TRPM3: variants seen among roughly 807,000 people sequenced by gnomAD.
TRPM3 encodes long transient receptor potential channel 3.
Under a neutral mutation model 181.2 loss-of-function variants are expected in TRPM3, and 77 were observed. The ratio of observed to expected loss-of-function variants is 0.42; its 90% confidence interval spans 0.35 to 0.51. The LOEUF (loss-of-function observed/expected upper bound fraction) is 0.51, where lower values mean the gene tolerates loss of function less well. Among genes scored for constraint, TRPM3 ranks in the 20% least tolerant of loss-of-function variants. The probability of loss-of-function intolerance (pLI) is 0.01; values close to 1 mark genes in which losing one functional copy is unlikely to be tolerated. For missense variants in TRPM3, 1,759 were observed against 2,196.7 expected (o/e 0.80, Z 3.98); for synonymous variants, 745 against 796.4 (o/e 0.94, Z 1.09).
At chr9:71,079,019 AT>A (rs5898176) in intron 1 of TRPM3, among the ~76,000 whole-genome samples, 41 of 150,226 alleles carry the variant, frequency 2.7e-4, no homozygotes, top group East Asian at 7.9e-4. Flanking sequence ...AATGAGCACT[AT>A]TTTTTTTTTC....
chr9:71,377,132 A>G (rs1183374284), intron 1 of TRPM3, among the ~76,000 whole-genome samples: 2 of 152,096 alleles, frequency 1.3e-5, no homozygotes, highest in Non-Finnish European at 2.9e-5. Flanking sequence ...GAGATGCCGA[A>G]TTATTTGTTC....
intron 3 of TRPM3, among the ~76,000 whole-genome samples, chr9:70,861,916 AG>A (rs2095530424): frequency 7.3e-6 from 1 of 136,908 alleles, no homozygotes; most frequent in Non-Finnish European, 1.6e-5. Flanking sequence ...TTCGTGGTAA[AG>A]AAATTACTGC....
At chr9:71,325,656 G>A (rs2089624598) in intron 1 of TRPM3, among the ~76,000 whole-genome samples, 1 of 152,036 alleles carries the variant, frequency 6.6e-6, no homozygotes, top group Non-Finnish European at 1.5e-5. Context: ...TGAAGGCAGT[G>A]ATGCAGCCCA....
At chr9:70,638,993 G>C in intron 11 of TRPM3, 67 bp downstream of exon 11, 1 of 1,547,460 alleles carries the variant, frequency 6.5e-7, no homozygotes, top group Non-Finnish European at 8.8e-7. Flanking sequence ...ACAGGCATAT[G>C]GGGGGCAGGA....
chr9:71,260,320 C>T (rs2082956774), intron 1 of TRPM3, among the ~76,000 whole-genome samples: 1 of 152,128 alleles, frequency 6.6e-6, no homozygotes, highest in Admixed American at 6.5e-5. Flanking sequence ...AGTGTGATGC[C>T]TCCAGCTTTG....
chr9:71,156,421 A>AC (rs1565285024), intron 1 of TRPM3, among the ~76,000 whole-genome samples: 81 of 120,062 alleles, frequency 6.7e-4, no homozygotes, highest in East Asian at 4.9e-3. Flanking sequence ...ACACACACAC[A>AC]AGGCTTATCA....
intron 3 of TRPM3, among the ~76,000 whole-genome samples, chr9:70,851,373 A>G (rs965910509): frequency 2.0e-5 from 3 of 152,228 alleles, no homozygotes; most frequent in Non-Finnish European, 4.4e-5. Context: ...TAATAATTTC[A>G]GCAAGCTTAA....
rs71507012 is a variant in TRPM3 at position 70,793,455 on chromosome 9, CAAAA to C, written c.974-9180_974-9177del. ...TCAGTGACAGAGTGAGGCTTTGTCT[CAAAA>C]AAAAAAAAAAATATATATATATATA... On this transcript the variant is annotated intron_variant, in intron 6 of 25. Coordinates refer to ENST00000677713, the MANE Select transcript of TRPM3 (RefSeq NM_001366145.2). 89 of 107,080 alleles carry C rather than the reference CAAAA, an allele frequency of 8.3e-4. 1 individual carries two copies. Among genetic ancestry groups the C allele is most frequent in the East Asian group, 7.6e-3 (32 of 4,198 alleles). 6.6% of individuals were successfully genotyped at this position (107,080 alleles called of 1,614,324 possible).
chr9:71,291,861 A>T (rs2085843606), intron 1 of TRPM3, among the ~76,000 whole-genome samples: 1 of 152,136 alleles, frequency 6.6e-6, no homozygotes, highest in African/African-American at 2.4e-5. Context: ...CAGTAACAGA[A>T]GACTTCATAT....
chr9:71,157,861 A>G (rs1473227904), intron 1 of TRPM3, among the ~76,000 whole-genome samples: 4 of 151,900 alleles, frequency 2.6e-5, no homozygotes, highest in African/African-American at 9.7e-5. Context: ...AAGAGAAGAT[A>G]TAAGCTCAAG....
intron 1 of TRPM3, among the ~76,000 whole-genome samples, chr9:71,305,487 T>C (rs2087203847): frequency 6.6e-6 from 1 of 152,164 alleles, no homozygotes; most frequent in Non-Finnish European, 1.5e-5. Flanking sequence ...AGTGTAAAGG[T>C]CTGGTAAATA....
intron 1 of TRPM3, among the ~76,000 whole-genome samples, chr9:71,365,048 A>G (rs2092290836): frequency 6.6e-6 from 1 of 152,228 alleles, no homozygotes; most frequent in South Asian, 2.1e-4. Flanking sequence ...AGGAAGGGAA[A>G]AAAGGACAAA....
intron 1 of TRPM3, among the ~76,000 whole-genome samples, chr9:71,444,156 C>T (rs373997018): frequency 1.8e-3 from 235 of 128,056 alleles, no homozygotes; most frequent in African/African-American, 6.2e-3. Context: ...TCCAGCCTGG[C>T]GACAGAGCAA....
intron 1 of TRPM3, among the ~76,000 whole-genome samples, chr9:70,951,293 C>G (rs2096996169): frequency 6.6e-6 from 1 of 152,142 alleles, no homozygotes; most frequent in African/African-American, 2.4e-5. Context: ...ATTGCTAGCT[C>G]TCCCTCATTC....
rs57175635 is a variant in TRPM3, at chr9:70,607,542, C to T, written c.2667+3067G>A. Among the ~76,000 whole-genome samples the T allele has an allele frequency of 5.7e-3, 869 of 152,244 alleles. 9 individuals carry two copies. The highest frequency in any genetic ancestry group is 0.02 in the African/African-American group (843 of 41,544). On this transcript the variant is annotated intron_variant, in intron 19 of 25. Coordinates refer to ENST00000677713, the MANE Select transcript of TRPM3 (RefSeq NM_001366145.2). ...GCTGGACACACAGGCCCCACCACCC[C>T]CCGCCAAAGAGGCAGCCTCCCAACA...
At chr9:70,935,763 G>A (rs2096823248) in intron 1 of TRPM3, among the ~76,000 whole-genome samples, 1 of 152,116 alleles carries the variant, frequency 6.6e-6, no homozygotes, top group Non-Finnish European at 1.5e-5. Context: ...GTTAATATTT[G>A]TGAACATTTA....
chr9:70,768,550 A>G (rs957753362), intron 7 of TRPM3, among the ~76,000 whole-genome samples: 1 of 152,092 alleles, frequency 6.6e-6, no homozygotes, highest in Non-Finnish European at 1.5e-5. Context: ...GAGATAAAGC[A>G]ACAGCAGCAC....
intron 9 of TRPM3, among the ~76,000 whole-genome samples, chr9:70,668,852 A>C (rs919576903): frequency 6.6e-6 from 1 of 152,196 alleles, no homozygotes; most frequent in Non-Finnish European, 1.5e-5. Flanking sequence ...GTGATTATGT[A>C]ATGCAGACTA....
chr9:71,314,330 C>T (rs1371360489), intron 1 of TRPM3, among the ~76,000 whole-genome samples: 6 of 152,048 alleles, frequency 3.9e-5, no homozygotes. Flanking sequence ...ACTTATTTTC[C>T]ACATAGTCCT....
Sources: allele counts gnomAD v4.1 joint callset (sites outside exome capture counted in the v4.1 genomes callset), GRCh38; gene constraint gnomAD v4.1.1; transcripts MANE v1.5; gene names NCBI Gene and HGNC (gene_info 2026-07-23, HGNC 2026-07-21).